Variants in HS6ST2 observed in about 807,000 individuals in gnomAD.
HS6ST2 encodes heparan-sulfate 6-O-sulfotransferase 2.
In HS6ST2, 17 loss-of-function variants were observed where a neutral mutation model predicts 33.0. That is an observed-to-expected ratio of 0.52 (90% CI 0.35 to 0.77). The LOEUF (loss-of-function observed/expected upper bound fraction) is 0.77, where lower values mean the gene tolerates loss of function less well. Ranked by LOEUF, HS6ST2 falls within the 30% of genes least tolerant of loss-of-function variation. The probability of loss-of-function intolerance (pLI) is 0.01; values close to 1 mark genes in which losing one functional copy is unlikely to be tolerated. For missense variants in HS6ST2, 519 were observed against 551.7 expected (o/e 0.94, Z 0.59); for synonymous variants, 248 against 237.1 (o/e 1.05, Z -0.42).
At position 132,958,409 on chromosome X, in the gene HS6ST2, C is replaced by A; in HGVS notation, c.194G>T (p.Arg65Leu). The A allele has an allele frequency of 8.3e-7, 1 of 1,197,827 alleles. No homozygotes were observed. The highest frequency in any genetic ancestry group is 1.1e-6 in the Non-Finnish European group (1 of 891,607). ...CTTTCGGGGCTTGTCCAGGAGCGGC[C>A]GGGTGTGGAATCCGTGAGACACACC... Reference protein sequence around the residue: ...PRGVSHGFHTRPLLDKPRKAS... With the variant: ...PRGVSHGFHTLPLLDKPRKAS... Residue 65 changes from arginine (R) to leucine (L), a missense_variant, in exon 1 of 5, where the codon CGG (arginine) becomes CTG (leucine). Coordinates refer to ENST00000370833, the MANE Select transcript of HS6ST2 (RefSeq NM_001394073.1).
chrX:132,881,587 T>A (rs2066174536), intron 2 of HS6ST2, among the ~76,000 whole-genome samples: 1 of 111,836 alleles, frequency 8.9e-6, no homozygotes, highest in African/African-American at 3.3e-5. Flanking sequence ...CTGTTCACTC[T>A]GATGGTAGTT....
chrX:132,925,578 C>T (rs1421254059), intron 2 of HS6ST2, among the ~76,000 whole-genome samples: 3 of 111,223 alleles, frequency 2.7e-5, no homozygotes, highest in African/African-American at 9.8e-5. Context: ...TGGTCTCTGT[C>T]GGAAAAATTC....
intron 2 of HS6ST2, among the ~76,000 whole-genome samples, chrX:132,927,151 T>G (rs2066718142): frequency 9.0e-6 from 1 of 110,927 alleles, no homozygotes; most frequent in Non-Finnish European, 1.9e-5. Context: ...TTCCTCACTC[T>G]CATCCCTACC....
chrX:132,674,789 T>C (rs1460366493), intron 3 of HS6ST2, among the ~76,000 whole-genome samples: 1 of 112,188 alleles, frequency 8.9e-6, no homozygotes, highest in Non-Finnish European at 1.9e-5. Flanking sequence ...TAAGTGGTAT[T>C]ATAAAACTGT....
At chrX:132,778,350 C>T (rs1229894550) in intron 2 of HS6ST2, among the ~76,000 whole-genome samples, 1 of 112,050 alleles carries the variant, frequency 8.9e-6, no homozygotes, top group Non-Finnish European at 1.9e-5. Flanking sequence ...AAATGTATAT[C>T]AGATGCTGGA....
chrX:132,896,539 ATAACT>A (rs1320275615), intron 2 of HS6ST2, among the ~76,000 whole-genome samples: 1 of 111,473 alleles, frequency 9.0e-6, no homozygotes, highest in Non-Finnish European at 1.9e-5. Context: ...AGAGTCAATA[ATAACT>A]TAAATGCACA....
At chrX:132,661,299 A>C (rs1179105449) in intron 4 of HS6ST2, among the ~76,000 whole-genome samples, 1 of 109,870 alleles carries the variant, frequency 9.1e-6, no homozygotes, top group East Asian at 2.9e-4. Context: ...TATCCAATGA[A>C]TATCCAGTGG....
chrX:132,847,001 T>C (rs948138531), intron 2 of HS6ST2, among the ~76,000 whole-genome samples: 7 of 111,557 alleles, frequency 6.3e-5, no homozygotes, highest in Non-Finnish European at 1.3e-4. Context: ...TTGGTATTAA[T>C]AGTCCATCAG....
chrX:132,699,438 G>A (rs1332553693), intron 3 of HS6ST2, among the ~76,000 whole-genome samples: 1 of 111,817 alleles, frequency 8.9e-6, no homozygotes, highest in Non-Finnish European at 1.9e-5. Flanking sequence ...CTGGTGGATT[G>A]CTTTACATGT....
intron 2 of HS6ST2, among the ~76,000 whole-genome samples, chrX:132,889,823 A>G (rs1007473768): frequency 8.9e-6 from 1 of 111,817 alleles, no homozygotes; most frequent in Non-Finnish European, 1.9e-5. Context: ...ATTAGCCCAC[A>G]TAGCCAAAGC....
chrX:132,882,391 T>A, intron 2 of HS6ST2, among the ~76,000 whole-genome samples: 1 of 107,737 alleles, frequency 9.3e-6, no homozygotes, highest in East Asian at 2.9e-4. Flanking sequence ...GAAGCAATTG[T>A]GAATGGGAGT....
rs374020386 is a variant in HS6ST2 at position 132,629,005 on chromosome X, C to T, written c.1156G>A (p.Ala386Thr). 7 of 1,205,412 alleles carry T rather than the reference C, an allele frequency of 5.8e-6. No individual in the cohort carries two copies. In the African/African-American group the frequency reaches 8.8e-5, roughly 15 times the overall value. The change falls in exon 5 of 5, where the codon GCA becomes ACA. Residue 386 changes from alanine to threonine, a missense_variant. Coordinates refer to ENST00000370833, the MANE Select transcript of HS6ST2 (RefSeq NM_001394073.1). Reference sequence around the variant, plus strand: ...CTTCCATCGCAGACATGCAGGGATGCTTTCCATGTTGCCCCTCTCTGGACA... The same window carrying T: ...CTTCCATCGCAGACATGCAGGGATGTTTTCCATGTTGCCCCTCTCTGGACA... ...RHVQRGATWK[A>T]SLHVCDGRPP... is the part of the protein sequence containing the mutation.
At chrX:132,741,356 G>C (rs767431952) in intron 2 of HS6ST2, among the ~76,000 whole-genome samples, 1 of 107,418 alleles carries the variant, frequency 9.3e-6, no homozygotes, top group South Asian at 4.3e-4. Flanking sequence ...CTGGAGTACA[G>C]TGGTGTGATC....
intron 2 of HS6ST2, among the ~76,000 whole-genome samples, chrX:132,812,416 A>ACAATAATAAT (rs34085703): frequency 9.9e-6 from 1 of 100,872 alleles, no homozygotes; most frequent in Non-Finnish European, 2.0e-5. Flanking sequence ...AATAATAATA[A>ACAATAATAAT]TAATAATAAT....
intron 3 of HS6ST2, among the ~76,000 whole-genome samples, 160 bp downstream of exon 3, chrX:132,708,302 A>T (rs1602596785): frequency 1.1e-5 from 1 of 89,120 alleles, no homozygotes; most frequent in African/African-American, 4.9e-5. Flanking sequence ...TTTAAACTAA[A>T]AAAAAAAAAA....
intron 4 of HS6ST2, 103 bp downstream of exon 4, chrX:132,669,010 T>A: frequency 3.8e-6 from 2 of 525,663 alleles, no homozygotes; most frequent in Non-Finnish European, 6.4e-6. Flanking sequence ...CAGAAGACAT[T>A]CCACAAATCT....
chrX:132,807,973 T>C (rs770306672), intron 2 of HS6ST2, among the ~76,000 whole-genome samples: 1 of 111,909 alleles, frequency 8.9e-6, no homozygotes, highest in Admixed American at 9.5e-5. Context: ...CAAGGATCCC[T>C]ATAAGACAAT....
At chrX:132,873,215 G>C (rs900674896) in intron 2 of HS6ST2, among the ~76,000 whole-genome samples, 2 of 111,777 alleles carry the variant, frequency 1.8e-5, no homozygotes, top group African/African-American at 6.5e-5. Context: ...CACAGGATCA[G>C]GCTCGATGCT....
At chrX:132,680,384 G>T (rs956768468) in intron 3 of HS6ST2, among the ~76,000 whole-genome samples, 1 of 110,958 alleles carries the variant, frequency 9.0e-6, no homozygotes, top group Non-Finnish European at 1.9e-5. Flanking sequence ...GCTATGTTGA[G>T]TTTTGTGTGC....
Sources: allele counts gnomAD v4.1 joint callset (sites outside exome capture counted in the v4.1 genomes callset), GRCh38; gene constraint gnomAD v4.1.1; transcripts MANE v1.5; gene names NCBI Gene and HGNC (gene_info 2026-07-23, HGNC 2026-07-21).